Variants in POU3F3 observed in about 807,000 individuals in gnomAD.
POU3F3 encodes POU domain, class 3, transcription factor 3.
POU3F3 carries 1 observed loss-of-function variant against 8.6 expected under a neutral mutation model. That is an observed-to-expected ratio of 0.12 (90% CI 0.04 to 0.55). The LOEUF is 0.55. Among genes scored for constraint, POU3F3 ranks in the 20% least tolerant of loss-of-function variants. The pLI is 0.91. For synonymous variants in POU3F3, 418 were observed against 327.4 expected (o/e 1.28, Z -2.99); for missense variants, 577 against 690.7 (o/e 0.84, Z 1.84).
downstream of POU3F3, chr2:104,858,641 T>A (rs1349460210): frequency 1.3e-5 from 2 of 152,234 alleles, no homozygotes; most frequent in Non-Finnish European, 2.9e-5. Flanking sequence ...ATTTTTTTAC[T>A]AATGAAAATC....
chr2:104,900,322 C>G, the POU3F3 span, among the ~76,000 whole-genome samples: 1 of 152,138 alleles, frequency 6.6e-6, no homozygotes, highest in Non-Finnish European at 1.5e-5. Flanking sequence ...TTCCACTGCA[C>G]AGCTACATAG....
downstream of POU3F3, among the ~76,000 whole-genome samples, chr2:104,859,544 T>C (rs542506615): frequency 1.3e-5 from 2 of 152,246 alleles, no homozygotes; most frequent in South Asian, 4.2e-4. Flanking sequence ...TTCCTCCTTC[T>C]CTCATCTTCA....
At chr2:104,868,032 T>C in the POU3F3 span, 1 of 345,500 alleles carries the variant, frequency 2.9e-6, no homozygotes, top group South Asian at 2.2e-5. Flanking sequence ...TGGGTAGGAA[T>C]TGTTGGGAAA....
the POU3F3 span, among the ~76,000 whole-genome samples, chr2:104,898,796 A>C: frequency 6.6e-6 from 1 of 152,222 alleles, no homozygotes; most frequent in Non-Finnish European, 1.5e-5. Context: ...AATGTTCACT[A>C]AAAGGTAAGC....
chr2:104,868,024 G>A, the POU3F3 span: 1 of 347,124 alleles, frequency 2.9e-6, no homozygotes, highest in Non-Finnish European at 5.7e-6. Flanking sequence ...CCAGCTGGTG[G>A]GTAGGAATTG....
the POU3F3 span, among the ~76,000 whole-genome samples, chr2:104,876,937 C>T: frequency 1.3e-5 from 2 of 152,216 alleles, no homozygotes; most frequent in African/African-American, 4.8e-5. Flanking sequence ...ACACCCAGCA[C>T]CTCAGTCTGG....
chr2:104,917,856 G>A, the POU3F3 span, among the ~76,000 whole-genome samples: 1 of 152,108 alleles, frequency 6.6e-6, no homozygotes, highest in Admixed American at 6.5e-5. Context: ...CCACATCTAT[G>A]TTCTAAGCAG....
At chr2:104,886,372 T>G in the POU3F3 span, among the ~76,000 whole-genome samples, 1 of 152,192 alleles carries the variant, frequency 6.6e-6, no homozygotes, top group Non-Finnish European at 1.5e-5. Context: ...CAGTATTCAG[T>G]ACAGTGACAT....
chr2:104,856,719 G>A lies in POU3F3; in HGVS notation c.1209G>A (p.Gln403=), dbSNP rs1378025833. 1 of 1,614,010 alleles carries A rather than the reference G, an allele frequency of 6.2e-7. No homozygotes were observed. Among genetic ancestry groups the A allele is most frequent in the African/African-American group, 1.3e-5 (1 of 74,944 alleles). ...SPTSIDKIAA[Q]GRKRKKRTSI... ...CAAGCATCGACAAGATCGCGGCGCA[G>A]GGCCGCAAGCGCAAGAAGCGGACCT... Residue 403 remains glutamine, a synonymous_variant, in exon 1 of 1, where the codon CAG becomes CAA. Coordinates refer to ENST00000361360, the MANE Select transcript of POU3F3 (RefSeq NM_006236.3).
chr2:104,908,519 G>C, the POU3F3 span, among the ~76,000 whole-genome samples: 1 of 152,200 alleles, frequency 6.6e-6, no homozygotes, highest in African/African-American at 2.4e-5. Flanking sequence ...CTTGTCCAAG[G>C]AGAAAGGAGC....
the POU3F3 span, among the ~76,000 whole-genome samples, chr2:104,925,766 C>G: frequency 2.0e-5 from 3 of 152,202 alleles, no homozygotes; most frequent in Non-Finnish European, 4.4e-5. Flanking sequence ...AACTTTCACT[C>G]TGACAGAATC....
At chr2:104,872,096 C>T in the POU3F3 span, 2 of 398,046 alleles carry the variant, frequency 5.0e-6, no homozygotes, top group African/African-American at 4.1e-5. The surrounding 1 kb of genome is among the most constrained non-coding windows in gnomAD (Gnocchi z 4.6). Flanking sequence ...ACACACTCTT[C>T]CTTGCTCGGG....
chr2:104,927,543 C>T, the POU3F3 span, among the ~76,000 whole-genome samples: 1 of 151,768 alleles, frequency 6.6e-6, no homozygotes, highest in Admixed American at 6.6e-5. Flanking sequence ...TTGCTTGAGC[C>T]AAAGAGTTCG....
At chr2:104,902,307 C>G in the POU3F3 span, among the ~76,000 whole-genome samples, 1 of 152,038 alleles carries the variant, frequency 6.6e-6, no homozygotes, top group Non-Finnish European at 1.5e-5. Flanking sequence ...TTTTGTTGCA[C>G]CTATTAAAAC....
the POU3F3 span, among the ~76,000 whole-genome samples, chr2:104,894,455 C>T: frequency 1.3e-5 from 2 of 152,208 alleles, no homozygotes; most frequent in African/African-American, 4.8e-5. Context: ...TTCCCGGTCA[C>T]AGCCCCATGG....
the POU3F3 span, chr2:104,925,934 G>A: frequency 6.6e-6 from 1 of 152,220 alleles, no homozygotes; most frequent in African/African-American, 2.4e-5. Context: ...TGTGTTAACA[G>A]CAAATGTTTA....
Position 104,855,723 on chromosome 2 carries a change from G to A in POU3F3, c.213G>A (p.Lys71=). ...GAYRGDPSSV[K]MVQSDFMQGA... is the part of the protein sequence containing the mutation. The stretch of plus-strand genomic sequence containing the variant: ...ACCGGGGGGACCCGTCCTCTGTCAA[G>A]ATGGTCCAGAGCGACTTCATGCAGG... The change falls in exon 1 of 1, where the codon AAG becomes AAA. Residue 71 remains lysine, a synonymous_variant. Coordinates refer to ENST00000361360, the MANE Select transcript of POU3F3 (RefSeq NM_006236.3). The A allele has an allele frequency of 7.9e-7, 1 of 1,272,652 alleles. No homozygotes were observed. The highest frequency in any genetic ancestry group is 1.0e-6 in the Non-Finnish European group (1 of 984,974). 78.8% of individuals were successfully genotyped at this position (1,272,652 alleles called of 1,614,324 possible).
the POU3F3 span, among the ~76,000 whole-genome samples, chr2:104,901,788 A>G: frequency 1.3e-5 from 2 of 152,240 alleles, no homozygotes; most frequent in Admixed American, 1.3e-4. Flanking sequence ...CCTTGGGAAA[A>G]CAGCACGGAA....
At chr2:104,874,952 G>C in the POU3F3 span, among the ~76,000 whole-genome samples, 1 of 152,082 alleles carries the variant, frequency 6.6e-6, no homozygotes, top group Non-Finnish European at 1.5e-5. Flanking sequence ...TTATCTTACA[G>C]ATCTGAAACT....
Sources: gnomAD v4.1 joint callset for allele counts (sites outside exome capture counted in the v4.1 genomes callset) on GRCh38, gnomAD v4.1.1 for gene constraint, Gnocchi (gnomAD v3.1) non-coding constraint, MANE v1.5 for transcripts, NCBI Gene and HGNC (gene_info 2026-07-23, HGNC 2026-07-21) for gene names.